Variants in ARHGAP19 observed in about 807,000 individuals in gnomAD.
ARHGAP19 encodes Rho GTPase activating protein 19.
Under a neutral mutation model 60.9 loss-of-function variants are expected in ARHGAP19, and 48 were observed. That is an observed-to-expected ratio of 0.79 (90% CI 0.62 to 1.00). The LOEUF (loss-of-function observed/expected upper bound fraction) is 1.00. Ranked by LOEUF, ARHGAP19 falls within the 50% of genes least tolerant of loss-of-function variation. The probability of loss-of-function intolerance (pLI) is 0.00; values close to 1 mark genes in which losing one functional copy is unlikely to be tolerated. For synonymous variants in ARHGAP19, 209 were observed against 215.5 expected (o/e 0.97, Z 0.27); for missense variants, 562 against 597.2 (o/e 0.94, Z 0.61).
chr10:97,247,583 G>C (rs990920012), intron 6 of ARHGAP19, among the ~76,000 whole-genome samples: 1 of 151,962 alleles, frequency 6.6e-6, no homozygotes, highest in South Asian at 2.1e-4. Context: ...TTCTTTAATA[G>C]AGAACTGGTT....
intron 7 of ARHGAP19, among the ~76,000 whole-genome samples, chr10:97,245,245 G>T (rs1842546463): frequency 6.6e-6 from 1 of 152,006 alleles, no homozygotes; most frequent in African/African-American, 2.4e-5. Context: ...GATCTCAAGT[G>T]ATCCGCCTAC....
intron 4 of ARHGAP19, among the ~76,000 whole-genome samples, chr10:97,261,195 T>A (rs1334962322): frequency 6.6e-6 from 1 of 152,160 alleles, no homozygotes; most frequent in Non-Finnish European, 1.5e-5. Context: ...CTAATAACCA[T>A]TTGAGTACAA....
At chr10:97,234,509 CA>C (rs1167141695) in intron 9 of ARHGAP19, among the ~76,000 whole-genome samples, 1 of 151,118 alleles carries the variant, frequency 6.6e-6, no homozygotes, top group Non-Finnish European at 1.5e-5. Context: ...GTGTATATAG[CA>C]CTCATCTCTC....
At chr10:97,278,527 G>A (rs933129033) in intron 1 of ARHGAP19, among the ~76,000 whole-genome samples, 2 of 152,166 alleles carry the variant, frequency 1.3e-5, no homozygotes, top group African/African-American at 4.8e-5. Context: ...GAACAGAATT[G>A]AGAAGAGTGT....
At chr10:97,289,175 C>T (rs1451946338) in intron 1 of ARHGAP19, among the ~76,000 whole-genome samples, 2 of 144,580 alleles carry the variant, frequency 1.4e-5, no homozygotes, top group South Asian at 2.2e-4. Flanking sequence ...AGGGCAATGG[C>T]GCTATCTCAG....
intron 5 of ARHGAP19, among the ~76,000 whole-genome samples, chr10:97,258,253 C>T (rs1199467994): frequency 6.6e-6 from 1 of 152,072 alleles, no homozygotes; most frequent in East Asian, 1.9e-4. Flanking sequence ...AGGCCAGGCG[C>T]GGTGGCTCAC....
At chr10:97,272,131 C>CTTTTTTTTTTTTTTTTTTTTTT (rs35980234) in intron 1 of ARHGAP19, among the ~76,000 whole-genome samples, 1 of 85,634 alleles carries the variant, frequency 1.2e-5, no homozygotes, top group Non-Finnish European at 2.0e-5. Flanking sequence ...GGAAATATGT[C>CTTTTTTTTTTTTTTTTTTTTTT]TTTTTTTTTT....
At chr10:97,237,843 C>G (rs1451177873) in intron 8 of ARHGAP19, among the ~76,000 whole-genome samples, 1 of 151,908 alleles carries the variant, frequency 6.6e-6, no homozygotes, top group Non-Finnish European at 1.5e-5. Context: ...TGCACTCCAG[C>G]CTGGGCGAAA....
intron 6 of ARHGAP19, among the ~76,000 whole-genome samples, chr10:97,250,846 G>A (rs950185811): frequency 6.6e-6 from 1 of 151,970 alleles, no homozygotes; most frequent in Non-Finnish European, 1.5e-5. Flanking sequence ...CAGGAGAAAT[G>A]CTTGAGCCCA....
At chr10:97,281,842 A>C (rs1238365823) in intron 1 of ARHGAP19, among the ~76,000 whole-genome samples, 2 of 152,194 alleles carry the variant, frequency 1.3e-5, no homozygotes, top group Admixed American at 1.3e-4. Context: ...TGTAGGAGTT[A>C]GACAGTGGGA....
Position 97,292,439 on chromosome 10 carries a change from G to A in ARHGAP19, c.56+133C>T, listed in dbSNP as rs759772043. ...GACCCCCGCGCCTCAGCCCCCGCAG[G>A]CGCGACGATGAGAAACGCCGTGGGA... On this transcript the variant is annotated intron_variant, in intron 1 of 11. Coordinates refer to ENST00000358531, the MANE Select transcript of ARHGAP19 (RefSeq NM_032900.6). 5.0e-6 allele frequency: 6 copies of A among 1,194,242 alleles called. No homozygotes were observed. In the South Asian group the frequency reaches 7.7e-5, roughly 15 times the overall value. The allele number at this position is 1,194,242 out of a possible 1,614,324, so 74.0% of individuals were successfully genotyped here. A position where few individuals can be genotyped will look rare whatever the true frequency, so the allele number is the denominator to read the frequency against.
chr10:97,282,912 G>A (rs1430892391), intron 1 of ARHGAP19, among the ~76,000 whole-genome samples: 1 of 147,002 alleles, frequency 6.8e-6, no homozygotes, highest in Non-Finnish European at 1.5e-5. Flanking sequence ...GTGCGATCTC[G>A]GCTTACTGCA....
At position 97,222,463 on chromosome 10, in the gene ARHGAP19, G is replaced by C. The variant is rs1305480815; in HGVS notation, c.*3659C>G. On this transcript the variant is annotated 3_prime_UTR_variant, in exon 12 of 12. Transcript: ENST00000358531. ...AGGGCTCCATGGCTCTTTAGCACAG[G>C]CTGTGGCCTCACACACTCCAGTCTC... 1 of 152,248 alleles carries C rather than the reference G, an allele frequency of 6.6e-6. No individual in the cohort carries two copies. The highest frequency in any genetic ancestry group is 1.5e-5 in the Non-Finnish European group (1 of 68,094). The allele number at this position is 152,248 out of a possible 1,614,324, so 9.4% of individuals were successfully genotyped here. A position where few individuals can be genotyped will look rare whatever the true frequency, so the allele number is the denominator to read the frequency against.
rs562234666 is a variant in ARHGAP19, at chr10:97,231,449, A to G, written c.1285-1575T>C. ...CAAACAGAAATACTGTACCCATTAAATAATATCTCCCCATTCTCCTCATAC... is the reference window on the plus strand; with the variant it reads ...CAAACAGAAATACTGTACCCATTAAGTAATATCTCCCCATTCTCCTCATAC... On this transcript the variant is annotated intron_variant, in intron 9 of 11. Coordinates refer to ENST00000358531, the MANE Select transcript of ARHGAP19 (RefSeq NM_032900.6). Among the ~76,000 whole-genome samples the G allele has an allele frequency of 3.9e-5, 6 of 152,316 alleles. No individual in the cohort carries two copies. The South Asian group carries it at 1.2e-3, about 32-fold the overall frequency.
chr10:97,243,714 C>A (rs754176811), intron 8 of ARHGAP19, among the ~76,000 whole-genome samples: 1 of 152,176 alleles, frequency 6.6e-6, no homozygotes, highest in African/African-American at 2.4e-5. Flanking sequence ...TATCTCTCAG[C>A]AAACTTGGGA....
At chr10:97,229,585 T>G (rs952684619) in intron 10 of ARHGAP19, among the ~76,000 whole-genome samples, 179 bp downstream of exon 10, 22 of 152,046 alleles carry the variant, frequency 1.4e-4, no homozygotes, top group African/African-American at 5.3e-4. Flanking sequence ...CAAAATGTGT[T>G]TGTTTGTTGA....
chr10:97,240,181 T>C (rs1444224592), intron 8 of ARHGAP19, among the ~76,000 whole-genome samples: 1 of 150,564 alleles, frequency 6.6e-6, no homozygotes, highest in Non-Finnish European at 1.5e-5. Context: ...AAAAGGGACC[T>C]AGTACACGTA....
chr10:97,268,970 T>A (rs11189087), intron 1 of ARHGAP19, among the ~76,000 whole-genome samples: 6,509 of 152,330 alleles, frequency 0.043, 208 homozygotes, highest in Non-Finnish European at 0.061. Flanking sequence ...ATCTATTATA[T>A]AACCAACAAA....
intron 4 of ARHGAP19, among the ~76,000 whole-genome samples, chr10:97,260,054 C>T (rs1262625201): frequency 2.0e-5 from 3 of 149,452 alleles, no homozygotes; most frequent in Non-Finnish European, 1.5e-5. Context: ...TCAGGATGGT[C>T]TCGATCTCCT....
Sources: gnomAD v4.1 joint callset for allele counts (sites outside exome capture counted in the v4.1 genomes callset) on GRCh38, gnomAD v4.1.1 for gene constraint, MANE v1.5 for transcripts, NCBI Gene and HGNC (gene_info 2026-07-23, HGNC 2026-07-21) for gene names.